STK3: variants seen among roughly 807,000 people sequenced by gnomAD.
The protein encoded by STK3 is serine/threonine-protein kinase 3.
Under a neutral mutation model 58.0 loss-of-function variants are expected in STK3, and 41 were observed. That is an observed-to-expected ratio of 0.71 (90% CI 0.55 to 0.92). The LOEUF (loss-of-function observed/expected upper bound fraction) is 0.92. Ranked by LOEUF, STK3 falls within the 40% of genes least tolerant of loss-of-function variation. STK3 has a pLI of 0.00. For missense variants in STK3, 479 were observed against 602.7 expected, an observed-to-expected ratio of 0.79 and a Z score of 2.15; for synonymous variants, 170 against 191.0, an observed-to-expected ratio of 0.89 and a Z score of 0.91.
At chr8:98,941,466 C>A (rs1274614644) in intron 1 of STK3, among the ~76,000 whole-genome samples, 1 of 152,238 alleles carries the variant, frequency 6.6e-6, no homozygotes, top group South Asian at 2.1e-4. Flanking sequence ...AGAAGGGAGG[C>A]GAGTCCCCGG....
intron 4 of STK3, among the ~76,000 whole-genome samples, chr8:98,711,297 C>G (rs931496832): frequency 1.3e-5 from 2 of 152,126 alleles, no homozygotes; most frequent in Admixed American, 1.3e-4. Flanking sequence ...GTGACTTTGA[C>G]AAGCTGAGAG....
At chr8:98,682,686 A>G (rs1823723346) in intron 6 of STK3, among the ~76,000 whole-genome samples, 1 of 152,152 alleles carries the variant, frequency 6.6e-6, no homozygotes, top group Non-Finnish European at 1.5e-5. Flanking sequence ...CAGCAATTTA[A>G]CTAAAATGCA....
At chr8:98,838,666 T>C (rs905892479) in intron 3 of STK3, among the ~76,000 whole-genome samples, 4 of 152,062 alleles carry the variant, frequency 2.6e-5, no homozygotes, top group African/African-American at 9.7e-5. Flanking sequence ...AGATGAAAAT[T>C]TTTACTAAAA....
At chr8:98,828,201 C>T (rs1284163143), upstream of STK3, among the ~76,000 whole-genome samples, 2 of 151,898 alleles carry the variant, frequency 1.3e-5, no homozygotes, top group South Asian at 2.1e-4. Flanking sequence ...GTCTTGAACT[C>T]GTGACCTCGG....
intron 10 of STK3, among the ~76,000 whole-genome samples, chr8:98,499,676 C>T (rs1178000431): frequency 6.6e-6 from 1 of 152,086 alleles, no homozygotes; most frequent in Admixed American, 6.6e-5. Flanking sequence ...AAAGATGGTA[C>T]TGGTGAGGGC....
chr8:98,361,105 T>G, the STK3 span, among the ~76,000 whole-genome samples: 1 of 152,296 alleles, frequency 6.6e-6, no homozygotes, highest in East Asian at 1.9e-4. Context: ...AACTAAGGTA[T>G]TAGATTACAC....
chr8:98,903,543 TC>T (rs1564093529), intron 1 of STK3, among the ~76,000 whole-genome samples: 2 of 41,128 alleles, frequency 4.9e-5, no homozygotes, highest in African/African-American at 1.2e-4. Context: ...TTCTTCTTCT[TC>T]TTCTTCTTCT....
intron 1 of STK3, among the ~76,000 whole-genome samples, 194 bp downstream of exon 1, chr8:98,825,321 G>C (rs952550483): frequency 5.9e-5 from 9 of 152,062 alleles, no homozygotes; most frequent in African/African-American, 2.2e-4. Flanking sequence ...GGAGGCTCCG[G>C]CTCCCGCTCC....
At chr8:98,858,349 G>GAC (rs1836782929) in intron 3 of STK3, among the ~76,000 whole-genome samples, 2 of 136,764 alleles carry the variant, frequency 1.5e-5, no homozygotes, top group Admixed American at 7.5e-5. Flanking sequence ...GAGAGAGAGA[G>GAC]AGAGAGAGAG....
chr8:98,524,475 T>TA (rs1399643073), intron 10 of STK3, among the ~76,000 whole-genome samples: 1 of 152,254 alleles, frequency 6.6e-6, no homozygotes, highest in Non-Finnish European at 1.5e-5. Context: ...TTAAAGCTTA[T>TA]AATCTATGAA....
chr8:98,474,029 C>T (rs1213265705), intron 10 of STK3, among the ~76,000 whole-genome samples: 1 of 152,134 alleles, frequency 6.6e-6, no homozygotes, highest in Non-Finnish European at 1.5e-5. Flanking sequence ...AACTGTTTAT[C>T]TTTTAACCTT....
intron 3 of STK3, among the ~76,000 whole-genome samples, chr8:98,410,546 A>G (rs1780423538): frequency 6.6e-6 from 1 of 152,218 alleles, no homozygotes; most frequent in South Asian, 2.1e-4. Flanking sequence ...AGTTAGATAA[A>G]CATTTACAAA....
chr8:98,855,055 T>C (rs1836618311), intron 3 of STK3, among the ~76,000 whole-genome samples: 1 of 151,752 alleles, frequency 6.6e-6, no homozygotes, highest in South Asian at 2.1e-4. Flanking sequence ...AGACGCTGTC[T>C]CAAAACAACA....
intron 8 of STK3, 147 bp from the exon 9 acceptor site, chr8:98,548,308 T>C (rs1052160318): frequency 3.4e-6 from 2 of 583,844 alleles, no homozygotes; most frequent in Non-Finnish European, 5.0e-6. Context: ...TACATACAAA[T>C]GTTATTTTAA....
chr8:98,750,310 G>T (rs1829890813), intron 3 of STK3, among the ~76,000 whole-genome samples: 1 of 151,612 alleles, frequency 6.6e-6, no homozygotes, highest in Admixed American at 6.6e-5. Flanking sequence ...ATGAATAAAG[G>T]TACACAAATA....
intron 1 of STK3, among the ~76,000 whole-genome samples, chr8:98,910,794 G>A (rs1839100166): frequency 6.6e-6 from 1 of 152,184 alleles, no homozygotes; most frequent in South Asian, 2.1e-4. Context: ...TTAGACTCCA[G>A]AGGAAATGAG....
chr8:98,706,695 C>T (rs1825986788), intron 5 of STK3, 61 bp from the exon 6 acceptor site: 2 of 1,416,644 alleles, frequency 1.4e-6, no homozygotes, highest in South Asian at 1.7e-5. Context: ...ATCTGTATGC[C>T]AAACATACTT....
chr8:98,474,484 A>C (rs13281321), intron 10 of STK3, among the ~76,000 whole-genome samples: 4,429 of 152,278 alleles, frequency 0.029, 103 homozygotes, highest in Middle Eastern at 0.11. Flanking sequence ...AGTTTCTCAG[A>C]TTCACCAAGC....
the STK3 span, among the ~76,000 whole-genome samples, chr8:98,362,501 C>G: frequency 1.3e-5 from 2 of 152,106 alleles, no homozygotes; most frequent in Admixed American, 1.3e-4. Context: ...AAATCCACTG[C>G]GCTTTAGAAG....
Sources: gnomAD v4.1 joint callset for allele counts (sites outside exome capture counted in the v4.1 genomes callset) on GRCh38, gnomAD v4.1.1 for gene constraint, MANE v1.5 for transcripts, NCBI Gene and HGNC (gene_info 2026-07-23, HGNC 2026-07-21) for gene names.